The following RANGAP1 variants were observed in gnomAD, a reference collection of about 807,000 sequenced individuals.
The protein encoded by RANGAP1 is ran GTPase-activating protein 1.
A neutral mutation model predicts 63.5 loss-of-function variants in RANGAP1; 38 were observed. That is an observed-to-expected ratio of 0.60 (90% CI 0.46 to 0.78). The LOEUF (loss-of-function observed/expected upper bound fraction) is 0.78, where lower values mean the gene tolerates loss of function less well. RANGAP1 is among the 30% of genes least tolerant of loss of function. RANGAP1 has a pLI of 0.00. For missense variants in RANGAP1, 630 were observed against 740.3 expected (o/e 0.85, Z 1.73); for synonymous variants, 329 against 310.5 (o/e 1.06, Z -0.63).
At chr22:41,251,207 C>G in intron 12 of RANGAP1, 98 bp from the exon 13 acceptor site, 1 of 901,726 alleles carries the variant, frequency 1.1e-6, no homozygotes, top group Non-Finnish European at 1.7e-6. Context: ...TACAAAGGCC[C>G]CTGGCGGGCA....
chr22:41,269,902 C>T (rs1056337681), intron 3 of RANGAP1, among the ~76,000 whole-genome samples: 1 of 152,118 alleles, frequency 6.6e-6, no homozygotes, highest in African/African-American at 2.4e-5. Flanking sequence ...GGAGCAATCT[C>T]GGCTCACTGC....
chr22:41,263,514 A>G (rs2145753090), intron 5 of RANGAP1, among the ~76,000 whole-genome samples: 1 of 152,174 alleles, frequency 6.6e-6, no homozygotes, highest in East Asian at 1.9e-4. Flanking sequence ...CCTCCCGAAT[A>G]GCTGGGACTA....
rs149234746 is a variant in RANGAP1, at chr22:41,258,378, G to C, written c.616-272C>G. ...CCAGGGTCACAGAGCTCTAGATCCAGCAGGTCGATTTCTTGTTCTCAGTCT... is the reference window on the plus strand; with the variant it reads ...CCAGGGTCACAGAGCTCTAGATCCACCAGGTCGATTTCTTGTTCTCAGTCT... On this transcript the variant is annotated intron_variant, in intron 6 of 15. Transcript: ENST00000356244. 2.9e-3 allele frequency among the ~76,000 whole-genome samples: 436 copies of C among 152,370 alleles called. 1 individual carries two copies. The highest frequency in any genetic ancestry group is 4.4e-3 in the Non-Finnish European group (302 of 68,032).
chr22:41,288,873 C>G (rs2035803417), upstream of RANGAP1, among the ~76,000 whole-genome samples: 1 of 150,896 alleles, frequency 6.6e-6, no homozygotes, highest in South Asian at 2.1e-4. Context: ...CAAACTCAGC[C>G]TGACAGCACC....
At chr22:41,256,616 C>G in intron 8 of RANGAP1, 95 bp downstream of exon 8, 2 of 1,086,268 alleles carry the variant, frequency 1.8e-6, no homozygotes, top group Non-Finnish European at 2.7e-6. Flanking sequence ...GATATGGACA[C>G]AGGCCCACCT....
chr22:41,295,525 C>A, the RANGAP1 span, among the ~76,000 whole-genome samples: 4 of 151,444 alleles, frequency 2.6e-5, no homozygotes, highest in African/African-American at 4.8e-5. Flanking sequence ...GTCATCACCA[C>A]TCCCTAATCT....
chr22:41,294,905 C>T, the RANGAP1 span, among the ~76,000 whole-genome samples: 1 of 95,512 alleles, frequency 1.0e-5, no homozygotes, highest in Non-Finnish European at 2.1e-5. Context: ...CCCGCCCGGC[C>T]AGCCGCCCCA....
intron 1 of RANGAP1, chr22:41,285,155 T>C (rs1362085417): frequency 6.6e-6 from 1 of 152,080 alleles, no homozygotes; most frequent in African/African-American, 2.4e-5. Flanking sequence ...AGACCGTCTC[T>C]AAAAAGATAA....
the RANGAP1 span, among the ~76,000 whole-genome samples, chr22:41,292,542 C>T: frequency 6.6e-6 from 1 of 151,926 alleles, no homozygotes; most frequent in South Asian, 2.1e-4. Context: ...GGGTGGATCA[C>T]GAGCTCAGGA....
rs548219010 is a variant in RANGAP1, at chr22:41,285,479, G to T, written c.-39+507C>A. ...TAGAGAAACATCCTCTCCCCGCTCC[G>T]CAGCAACGTCAGAGACTTTCTGAGG... On this transcript the variant is annotated intron_variant, in intron 1 of 15. Transcript: ENST00000356244. 128 of 983,214 alleles carry T rather than the reference G, an allele frequency of 1.3e-4. No individual in the cohort carries two copies. The African/African-American group carries it at 2.2e-3, about 17-fold the overall frequency. 60.9% of individuals were successfully genotyped at this position (983,214 alleles called of 1,614,324 possible).
At position 41,253,011 on chromosome 22, in the gene RANGAP1, A is replaced by G. The variant is rs746713518; in HGVS notation, c.1261-20T>C. 2.1e-6 allele frequency: 3 copies of G among 1,435,996 alleles called. No individual in the cohort carries two copies. The highest frequency in any genetic ancestry group is 2.7e-6 in the Non-Finnish European group (3 of 1,093,104). 89.0% of individuals were successfully genotyped at this position (1,435,996 alleles called of 1,614,324 possible). ...TGGCTCCTGGGAAGTAGGGGCACAG[A>G]GGCTCTGGAGAATTCCGGACCCCAG... is the stretch of plus-strand genomic sequence containing the variant. On this transcript the variant is annotated intron_variant, in intron 11 of 15. Coordinates refer to ENST00000356244, the MANE Select transcript of RANGAP1 (RefSeq NM_002883.4).
intron 14 of RANGAP1, 35 bp from the exon 15 acceptor site, chr22:41,249,486 CAA>C: frequency 6.5e-7 from 1 of 1,533,364 alleles, no homozygotes; most frequent in Non-Finnish European, 8.7e-7. Context: ...GGGTGAGCTT[CAA>C]AGTCACCTGG....
chr22:41,275,152 CTATTT>C (rs2035060654), intron 2 of RANGAP1, among the ~76,000 whole-genome samples: 1 of 152,084 alleles, frequency 6.6e-6, no homozygotes, highest in African/African-American at 2.4e-5. Flanking sequence ...CACTACTGTA[CTATTT>C]TATTTTGATG....
chr22:41,275,632 A>T (rs1485120034), intron 2 of RANGAP1, among the ~76,000 whole-genome samples: 1 of 152,088 alleles, frequency 6.6e-6, no homozygotes, highest in Non-Finnish European at 1.5e-5. Flanking sequence ...TACAAAAATT[A>T]GCTGGGCGTG....
intron 6 of RANGAP1, among the ~76,000 whole-genome samples, chr22:41,259,081 G>A (rs914981823): frequency 4.0e-5 from 6 of 151,750 alleles, no homozygotes; most frequent in East Asian, 1.9e-4. Flanking sequence ...CTGTGCTCCC[G>A]GAGCACCTGG....
chr22:41,281,165 G>A, intron 1 of RANGAP1, 83 bp from the exon 2 acceptor site: 13 of 1,364,314 alleles, frequency 9.5e-6, no homozygotes, highest in Non-Finnish European at 1.3e-5. Context: ...AGCCATCTCA[G>A]GAGTCTGACC....
At chr22:41,267,600 G>T (rs776046653) in intron 4 of RANGAP1, among the ~76,000 whole-genome samples, 1 of 152,200 alleles carries the variant, frequency 6.6e-6, no homozygotes, top group African/African-American at 2.4e-5. Flanking sequence ...ACCCAAGCCA[G>T]TCTGAGCCCT....
chr22:41,256,429 C>G, intron 8 of RANGAP1, 139 bp from the exon 9 acceptor site: 1 of 784,184 alleles, frequency 1.3e-6, no homozygotes, highest in South Asian at 1.8e-5. Context: ...GGAAGAATAA[C>G]ACCAACAACA....
intron 8 of RANGAP1, among the ~76,000 whole-genome samples, chr22:41,256,494 A>T (rs756492024): frequency 1.1e-4 from 16 of 152,220 alleles, no homozygotes; most frequent in Non-Finnish European, 2.1e-4. Context: ...CTTAAATCAC[A>T]AGACAGTGAT....
Sources: allele counts gnomAD v4.1 joint callset (sites outside exome capture counted in the v4.1 genomes callset), GRCh38; gene constraint gnomAD v4.1.1; transcripts MANE v1.5; gene names NCBI Gene and HGNC (gene_info 2026-07-23, HGNC 2026-07-21).